CTNNA2: variants seen among roughly 807,000 people sequenced by gnomAD.
CTNNA2 encodes catenin alpha-2.
In CTNNA2, 42 loss-of-function variants were observed where a neutral mutation model predicts 101.0. The ratio of observed to expected loss-of-function variants is 0.42; its 90% CI spans 0.32 to 0.54. The LOEUF (loss-of-function observed/expected upper bound fraction) is 0.54. CTNNA2 is among the 20% of genes least tolerant of loss of function. CTNNA2 has a pLI of 0.14. For missense variants in CTNNA2, 871 were observed against 1,223.1 expected, an observed-to-expected ratio of 0.71 and a Z score of 4.29; for synonymous variants, 450 against 456.4, an observed-to-expected ratio of 0.99 and a Z score of 0.18.
chr2:79,860,455 T>G (rs1219096961), intron 4 of CTNNA2, among the ~76,000 whole-genome samples: 1 of 151,954 alleles, frequency 6.6e-6, no homozygotes, highest in East Asian at 1.9e-4. Context: ...CCCACCTGTT[T>G]TGACCAGTGC....
intron 7 of CTNNA2, among the ~76,000 whole-genome samples, chr2:80,224,073 G>A (rs1257886218): frequency 6.6e-6 from 1 of 152,108 alleles, no homozygotes. Context: ...CACTTCCCAT[G>A]ACTTGTTCTA....
At chr2:79,453,764 T>A (rs1421139344) in intron 4 of CTNNA2, among the ~76,000 whole-genome samples, 3 of 152,134 alleles carry the variant, frequency 2.0e-5, no homozygotes, top group African/African-American at 7.2e-5. Flanking sequence ...AAGAATGCTA[T>A]AACTGAAATA....
At chr2:80,196,126 G>A (rs893439312) in intron 7 of CTNNA2, among the ~76,000 whole-genome samples, 1 of 152,100 alleles carries the variant, frequency 6.6e-6, no homozygotes, top group Admixed American at 6.5e-5. Context: ...TTTGTAAAAT[G>A]CATGTAATTA....
intron 7 of CTNNA2, among the ~76,000 whole-genome samples, chr2:80,146,682 C>T (rs906062421): frequency 8.6e-6 from 1 of 116,876 alleles, no homozygotes; most frequent in African/African-American, 2.9e-5. Flanking sequence ...TTTATACTAT[C>T]GTTTTCTGAA....
At chr2:79,644,806 C>G (rs941646625) in intron 1 of CTNNA2, among the ~76,000 whole-genome samples, 1 of 152,130 alleles carries the variant, frequency 6.6e-6, no homozygotes. Context: ...CTCTCATTCT[C>G]CAGAAATGGC....
At chr2:79,580,180 A>G (rs905897071) in intron 1 of CTNNA2, among the ~76,000 whole-genome samples, 1 of 152,104 alleles carries the variant, frequency 6.6e-6, no homozygotes, top group Non-Finnish European at 1.5e-5. Context: ...CTTTCTCCAG[A>G]TGGGAGATTG....
intron 7 of CTNNA2, chr2:80,328,478 T>C (rs1573732443): frequency 4.6e-6 from 2 of 437,660 alleles, no homozygotes; most frequent in East Asian, 1.4e-4. Context: ...GGAGCAGTCA[T>C]CTGGAGCAGC....
chr2:80,335,660 A>T (rs982348593), intron 7 of CTNNA2, among the ~76,000 whole-genome samples: 7 of 152,180 alleles, frequency 4.6e-5, no homozygotes, highest in African/African-American at 1.4e-4. Context: ...ACTGGGAGAG[A>T]TGACACAATC....
chr2:79,954,711 T>C (rs1211888731), intron 7 of CTNNA2, among the ~76,000 whole-genome samples: 2 of 152,202 alleles, frequency 1.3e-5, no homozygotes, highest in African/African-American at 4.8e-5. Flanking sequence ...TTCTAAGTCA[T>C]ATGAGTCTAA....
chr2:79,413,019 A>C (rs1308014918), intron 4 of CTNNA2, among the ~76,000 whole-genome samples: 3 of 152,068 alleles, frequency 2.0e-5, no homozygotes, highest in African/African-American at 7.2e-5. Context: ...TAGAGCTAAA[A>C]ACTCTTAATT....
At chr2:80,076,306 T>A (rs759163736) in intron 7 of CTNNA2, among the ~76,000 whole-genome samples, 2 of 151,596 alleles carry the variant, frequency 1.3e-5, no homozygotes, top group African/African-American at 4.8e-5. Flanking sequence ...TTAGATAGGA[T>A]CTCACTCTGT....
At chr2:80,179,329 G>C (rs1037580728) in intron 7 of CTNNA2, among the ~76,000 whole-genome samples, 4 of 152,060 alleles carry the variant, frequency 2.6e-5, no homozygotes, top group African/African-American at 9.7e-5. Context: ...AGATGAACAG[G>C]AATGTGGTGG....
chr2:80,183,076 T>C (rs1705882288), intron 7 of CTNNA2, among the ~76,000 whole-genome samples: 1 of 152,162 alleles, frequency 6.6e-6, no homozygotes, highest in Admixed American at 6.6e-5. Flanking sequence ...ACAACCTGAA[T>C]GGTATTCCTG....
At chr2:79,632,572 C>T (rs935543835) in intron 1 of CTNNA2, among the ~76,000 whole-genome samples, 4 of 152,182 alleles carry the variant, frequency 2.6e-5, no homozygotes, top group Non-Finnish European at 5.9e-5. Flanking sequence ...AAACAATTCA[C>T]GTGGCCCAAG....
chr2:79,916,979 C>T (rs1377960273), intron 7 of CTNNA2, among the ~76,000 whole-genome samples: 2 of 152,060 alleles, frequency 1.3e-5, no homozygotes, highest in African/African-American at 4.8e-5. Flanking sequence ...CGGAGTCTGG[C>T]TCTATTGCCC....
intron 18 of CTNNA2, among the ~76,000 whole-genome samples, chr2:80,646,544 GATAA>G (rs1283787672): frequency 6.6e-6 from 1 of 151,928 alleles, no homozygotes; most frequent in Non-Finnish European, 1.5e-5. Context: ...ATAGTGTATA[GATAA>G]ATAGGTACTT....
At chr2:79,297,930 A>G (rs1676020045) in intron 2 of CTNNA2, among the ~76,000 whole-genome samples, 1 of 152,202 alleles carries the variant, frequency 6.6e-6, no homozygotes, top group Admixed American at 6.5e-5. Context: ...TGATCTCCAA[A>G]TCTGTAAAAT....
chr2:79,438,209 C>T (rs961432033), intron 4 of CTNNA2, among the ~76,000 whole-genome samples: 21 of 152,140 alleles, frequency 1.4e-4, no homozygotes, highest in South Asian at 6.2e-4. Context: ...GCTGGAATTA[C>T]CCCAAAGCTC....
At chr2:80,607,896 G>C (rs542263650) in intron 16 of CTNNA2, among the ~76,000 whole-genome samples, 2 of 151,940 alleles carry the variant, frequency 1.3e-5, no homozygotes, top group Non-Finnish European at 2.9e-5. Flanking sequence ...GGTTTCTTTA[G>C]AGTTTAGAAG....
Sources: gnomAD v4.1 joint callset for allele counts (sites outside exome capture counted in the v4.1 genomes callset) on GRCh38, gnomAD v4.1.1 for gene constraint, MANE v1.5 for transcripts, NCBI Gene and HGNC (gene_info 2026-07-23, HGNC 2026-07-21) for gene names.